SIM2: variants seen among roughly 807,000 people sequenced by gnomAD.
SIM2 encodes the protein SIM bHLH transcription factor 2, also known as single-minded homolog 2.
SIM2 carries 28 observed loss-of-function variants against 64.8 expected under a neutral mutation model. The ratio of observed to expected loss-of-function variants is 0.43; its 90% CI spans 0.32 to 0.59. The LOEUF is 0.59. SIM2 is among the 20% of genes least tolerant of loss of function. SIM2 has a pLI of 0.07. For missense variants in SIM2, 847 were observed against 871.4 expected (o/e 0.97, Z 0.35); for synonymous variants, 408 against 391.1 (o/e 1.04, Z -0.51).
intron 1 of SIM2, among the ~76,000 whole-genome samples, chr21:36,702,082 G>C (rs2088507895): frequency 6.6e-6 from 1 of 152,216 alleles, no homozygotes; most frequent in Non-Finnish European, 1.5e-5. Flanking sequence ...GATGCGAAGT[G>C]GTGGGTGTAC....
intron 1 of SIM2, 114 bp downstream of exon 1, chr21:36,700,035 G>A (rs1369417680): frequency 6.1e-6 from 7 of 1,156,950 alleles, no homozygotes; most frequent in African/African-American, 1.6e-5. Context: ...GTCCAGAGCT[G>A]GGGCGTCTGA....
chr21:36,743,636 G>C (rs1177426795), intron 9 of SIM2, 81 bp downstream of exon 9: 1 of 1,340,276 alleles, frequency 7.5e-7, no homozygotes, highest in African/African-American at 1.5e-5. Flanking sequence ...AAGGAATGGG[G>C]AGCCTCTCAT....
At chr21:36,728,972 G>A (rs2088930457) in intron 6 of SIM2, among the ~76,000 whole-genome samples, 1 of 152,206 alleles carries the variant, frequency 6.6e-6, no homozygotes. Context: ...TGATGCTTTT[G>A]CTAAGGATGG....
intron 9 of SIM2, 91 bp downstream of exon 9, chr21:36,743,646 T>C (rs2089192791): frequency 6.4e-6 from 8 of 1,247,454 alleles, no homozygotes; most frequent in Non-Finnish European, 9.1e-6. Flanking sequence ...GAGCCTCTCA[T>C]TGCACAGCAG....
chr21:36,709,082 G>T (rs2088632929), intron 1 of SIM2, 86 bp from the exon 2 acceptor site: 1 of 1,204,216 alleles, frequency 8.3e-7, no homozygotes, highest in Non-Finnish European at 1.2e-6. Context: ...GGCTGGCAGG[G>T]TGCAGGGGTT....
intron 7 of SIM2, among the ~76,000 whole-genome samples, chr21:36,740,059 G>GAAAGAAAGAAAGAAAGAAAGAA (rs1181460821): frequency 2.2e-5 from 3 of 136,330 alleles, no homozygotes; most frequent in African/African-American, 8.1e-5. Flanking sequence ...AAGAAAGAAA[G>GAAAGAAAGAAAGAAAGAAAGAA]AGAAAATGCC....
chr21:36,703,514 T>C (rs1294492401), intron 1 of SIM2, among the ~76,000 whole-genome samples: 1 of 152,218 alleles, frequency 6.6e-6, no homozygotes, highest in African/African-American at 2.4e-5. Flanking sequence ...GAGTCTTGAA[T>C]GGCAGGGATG....
chr21:36,735,392 C>T (rs1171788564), intron 7 of SIM2, among the ~76,000 whole-genome samples: 3 of 152,218 alleles, frequency 2.0e-5, no homozygotes, highest in Non-Finnish European at 4.4e-5. Flanking sequence ...CAAGTTTCTC[C>T]CTTCCGAGCC....
intron 5 of SIM2, among the ~76,000 whole-genome samples, chr21:36,724,166 A>G (rs141610134): frequency 1.9e-4 from 29 of 152,232 alleles, no homozygotes; most frequent in African/African-American, 7.0e-4. Context: ...TTTGACCTAT[A>G]TCTCACTGTG....
intron 8 of SIM2, 147 bp downstream of exon 8, chr21:36,742,011 T>A (rs997160369): frequency 9.3e-6 from 9 of 972,014 alleles, no homozygotes; most frequent in Non-Finnish European, 1.2e-5. Context: ...ATTTTTTTTT[T>A]TTAGGAATCT....
intron 7 of SIM2, among the ~76,000 whole-genome samples, chr21:36,737,300 C>T (rs546635686): frequency 1.1e-3 from 169 of 152,352 alleles, no homozygotes; most frequent in African/African-American, 3.3e-3. Context: ...TCCCACCCCA[C>T]GCCTCACCCA....
At chr21:36,723,008 G>A in intron 4 of SIM2, 37 bp from the exon 5 acceptor site, 1 of 1,542,626 alleles carries the variant, frequency 6.5e-7, no homozygotes, top group Non-Finnish European at 9.0e-7. Flanking sequence ...GAAGCACGGA[G>A]GGACAGCTGC....
intron 7 of SIM2, among the ~76,000 whole-genome samples, chr21:36,738,633 A>C (rs1340293618): frequency 6.6e-6 from 1 of 152,204 alleles, no homozygotes; most frequent in Admixed American, 6.5e-5. Flanking sequence ...GCTGGACTCC[A>C]GCTGTGCCCT....
chr21:36,747,619 C>T lies in SIM2; in HGVS notation c.1577-46C>T, dbSNP rs2123514709. ...CCGGGGCTTGGGGGTGGGGTGGCTG[C>T]GGCCGCGCCCCTTGCTGCCCTCTAA... is the stretch of plus-strand genomic sequence containing the variant. On this transcript the variant is annotated intron_variant, in intron 10 of 10. Coordinates refer to ENST00000290399, the MANE Select transcript of SIM2 (RefSeq NM_005069.6). The surrounding 1 kb of genome is among the most constrained non-coding windows in gnomAD (Gnocchi z 4.5). The T allele has an allele frequency of 8.5e-7, 1 of 1,182,238 alleles. No homozygotes were observed. Among genetic ancestry groups the T allele is most frequent in the Non-Finnish European group, 1.0e-6 (1 of 953,538 alleles). The allele number at this position is 1,182,238 out of a possible 1,614,324, so 73.2% of individuals were successfully genotyped here.
At chr21:36,727,670 A>T (rs2088910270) in intron 6 of SIM2, among the ~76,000 whole-genome samples, 1 of 151,952 alleles carries the variant, frequency 6.6e-6, no homozygotes. Flanking sequence ...GCCATCAGAG[A>T]CCCCGCTCCT....
intron 1 of SIM2, among the ~76,000 whole-genome samples, chr21:36,708,117 G>C (rs984764800): frequency 2.6e-5 from 4 of 152,226 alleles, no homozygotes; most frequent in Non-Finnish European, 4.4e-5. Context: ...GCGGTGCACC[G>C]ACCCTCGCCA....
At chr21:36,725,696 T>A (rs989247506) in intron 5 of SIM2, among the ~76,000 whole-genome samples, 4 of 152,280 alleles carry the variant, frequency 2.6e-5, no homozygotes, top group African/African-American at 9.6e-5. Flanking sequence ...CTCGGCTCAC[T>A]GCAACCCCCG....
intron 3 of SIM2, among the ~76,000 whole-genome samples, chr21:36,717,643 C>A (rs561094376): frequency 2.0e-5 from 3 of 152,136 alleles, no homozygotes; most frequent in African/African-American, 7.2e-5. Flanking sequence ...GACATGATTT[C>A]ACCACGTTGG....
intron 2 of SIM2, 51 bp from the exon 3 acceptor site, chr21:36,712,482 A>G: frequency 8.1e-7 from 1 of 1,241,438 alleles, no homozygotes. Context: ...TGTTAGATTT[A>G]ACTCTAATGT....
Sources: allele counts gnomAD v4.1 joint callset (sites outside exome capture counted in the v4.1 genomes callset), GRCh38; gene constraint gnomAD v4.1.1; non-coding constraint Gnocchi (gnomAD v3.1); transcripts MANE v1.5; gene names NCBI Gene and HGNC (gene_info 2026-07-23, HGNC 2026-07-21).